Variants in HDAC4 observed in about 807,000 individuals in gnomAD.
HDAC4 encodes histone deacetylase A.
A neutral mutation model predicts 135.1 loss-of-function variants in HDAC4; 16 were observed. The observed-to-expected ratio is 0.12, with a 90% CI of 0.08 to 0.18. The LOEUF is 0.18. Ranked by LOEUF, HDAC4 falls within the 10% of genes least tolerant of loss-of-function variation. The probability of loss-of-function intolerance (pLI) is 1.00; values close to 1 mark genes in which losing one functional copy is unlikely to be tolerated. For synonymous variants in HDAC4, 685 were observed against 653.4 expected (o/e 1.05, Z -0.74); for missense variants, 1,143 against 1,511.8 (o/e 0.76, Z 4.05).
At chr2:239,126,811 T>C (rs998567795) in intron 11 of HDAC4, 117 bp from the exon 12 acceptor site, 6 of 1,109,792 alleles carry the variant, frequency 5.4e-6, no homozygotes, top group African/African-American at 3.1e-5. Context: ...GCCCAGGCGT[T>C]CTGCCCTGGT....
intron 3 of HDAC4, among the ~76,000 whole-genome samples, chr2:239,235,396 G>A (rs910078637): frequency 1.3e-5 from 2 of 152,248 alleles, no homozygotes; most frequent in Non-Finnish European, 2.9e-5. Flanking sequence ...CTTTCGGGGT[G>A]ATGAGTGGGT....
intron 3 of HDAC4, among the ~76,000 whole-genome samples, chr2:239,197,678 G>A (rs2045481390): frequency 1.3e-5 from 2 of 152,266 alleles, no homozygotes; most frequent in South Asian, 4.1e-4. Context: ...CCTTTTAAAT[G>A]AGGTTTCATG....
intron 24 of HDAC4, among the ~76,000 whole-genome samples, 178 bp from the exon 25 acceptor site, chr2:239,055,011 T>G (rs549498990): frequency 7.7e-5 from 11 of 142,772 alleles, no homozygotes; most frequent in Non-Finnish European, 1.4e-4. Context: ...TTATAATTTT[T>G]TTGTAAAAGT....
chr2:239,159,526 C>T (rs1327473968), intron 6 of HDAC4, among the ~76,000 whole-genome samples: 2 of 150,854 alleles, frequency 1.3e-5, no homozygotes, highest in Admixed American at 6.6e-5. Context: ...CACACCCACC[C>T]ACACCCCACC....
chr2:239,305,847 C>T (rs1254483600), intron 2 of HDAC4, among the ~76,000 whole-genome samples: 2 of 152,200 alleles, frequency 1.3e-5, no homozygotes, highest in Non-Finnish European at 2.9e-5. Flanking sequence ...CTTCTCTGAC[C>T]CCATTCCCTA....
At chr2:239,236,405 C>G (rs891381555) in intron 3 of HDAC4, among the ~76,000 whole-genome samples, 188 bp downstream of exon 3, 1 of 152,228 alleles carries the variant, frequency 6.6e-6, no homozygotes, top group East Asian at 1.9e-4. Context: ...TTACATGGCA[C>G]GGAGCCATTT....
chr2:239,161,892 ACTT>A (rs953475847), intron 6 of HDAC4: 1 of 354,624 alleles, frequency 2.8e-6, no homozygotes, highest in African/African-American at 2.2e-5. Flanking sequence ...GCCCCAGGCC[ACTT>A]CTTCTCCCGT....
At chr2:239,113,501 C>T (rs186418939) in intron 13 of HDAC4, among the ~76,000 whole-genome samples, 4 of 152,314 alleles carry the variant, frequency 2.6e-5, no homozygotes, top group Non-Finnish European at 5.9e-5. Flanking sequence ...CCGTGTACTA[C>T]GACGTTTCCC....
chr2:239,055,214 A>C, intron 24 of HDAC4: 1 of 295,392 alleles, frequency 3.4e-6, no homozygotes, highest in Non-Finnish European at 6.6e-6. Context: ...ATAAGTAAGA[A>C]TGTCTGAATA....
chr2:239,108,269 G>T, intron 14 of HDAC4, 86 bp from the exon 15 acceptor site: 1 of 1,454,572 alleles, frequency 6.9e-7, no homozygotes, highest in Non-Finnish European at 9.4e-7. Context: ...GGTGGTGGCG[G>T]AACCACCACT....
Position 239,391,334 on chromosome 2 carries a change from T to C in HDAC4, c.-220+9644A>G, listed in dbSNP as rs116728383. Among the ~76,000 whole-genome samples, 875 of 152,304 alleles carry C rather than the reference T, an allele frequency of 5.7e-3. 10 individuals carry two copies. Among genetic ancestry groups the C allele is most frequent in the African/African-American group, 0.02 (833 of 41,564 alleles). On this transcript the variant is annotated intron_variant, in intron 1 of 26. Transcript: ENST00000543185. Reference sequence around the variant, plus strand: ...GGCAGACGAGAGCTTGTTCTCAAACTGTACTAAGGTCCTTCGGGGAGACGT... The same window carrying C: ...GGCAGACGAGAGCTTGTTCTCAAACCGTACTAAGGTCCTTCGGGGAGACGT...
chr2:239,154,071 C>T (rs942226043), intron 7 of HDAC4, among the ~76,000 whole-genome samples: 1 of 152,188 alleles, frequency 6.6e-6, no homozygotes, highest in African/African-American at 2.4e-5. Context: ...CTAGGGCTCC[C>T]CCATCCCTGC....
chr2:239,282,970 CACT>C (rs779348897), intron 2 of HDAC4, among the ~76,000 whole-genome samples: 2 of 151,788 alleles, frequency 1.3e-5, no homozygotes, highest in Non-Finnish European at 2.9e-5. Context: ...ATGTACACAC[CACT>C]CTCAATGTAC....
intron 1 of HDAC4, among the ~76,000 whole-genome samples, chr2:239,376,797 C>T (rs1017079425): frequency 7.3e-5 from 11 of 151,614 alleles, no homozygotes; most frequent in African/African-American, 1.5e-4. Context: ...TGCAGGCATA[C>T]GGCTGGGAGG....
chr2:239,346,130 ACCC>A (rs1256316393), intron 2 of HDAC4, among the ~76,000 whole-genome samples: 2 of 149,512 alleles, frequency 1.3e-5, no homozygotes, highest in Admixed American at 1.3e-4. Flanking sequence ...AAACACACAC[ACCC>A]CCATCTCACA....
At chr2:239,345,602 TACACACACCCTA>T (rs1381645126) in intron 2 of HDAC4, among the ~76,000 whole-genome samples, 1 of 140,844 alleles carries the variant, frequency 7.1e-6, no homozygotes, top group Admixed American at 7.0e-5. Flanking sequence ...AACACACACA[TACACACACCCTA>T]ACACACACCC....
intron 2 of HDAC4, among the ~76,000 whole-genome samples, chr2:239,286,323 T>C (rs1362162867): frequency 6.6e-6 from 1 of 152,180 alleles, no homozygotes; most frequent in Non-Finnish European, 1.5e-5. Flanking sequence ...AAGCAATAAA[T>C]GCCATGCAAA....
chr2:239,323,606 G>A (rs563596709), intron 2 of HDAC4, among the ~76,000 whole-genome samples: 1 of 152,272 alleles, frequency 6.6e-6, no homozygotes, highest in Admixed American at 6.5e-5. Context: ...CTCAGGCCAC[G>A]CCCTCCAAGA....
intron 22 of HDAC4, among the ~76,000 whole-genome samples, chr2:239,078,269 C>A (rs1460743258): frequency 6.6e-6 from 1 of 152,206 alleles, no homozygotes; most frequent in East Asian, 1.9e-4. Flanking sequence ...GGAGAAAGTG[C>A]CGGCTGCTTC....
Sources: gnomAD v4.1 joint callset for allele counts (sites outside exome capture counted in the v4.1 genomes callset) on GRCh38, gnomAD v4.1.1 for gene constraint, MANE v1.5 for transcripts, NCBI Gene and HGNC (gene_info 2026-07-23, HGNC 2026-07-21) for gene names.